PCF11: variants seen among roughly 807,000 people sequenced by gnomAD.
The protein encoded by PCF11 is pre-mRNA cleavage complex 2 protein Pcf11.
A neutral mutation model predicts 166.1 loss-of-function variants in PCF11; 19 were observed. The ratio of observed to expected loss-of-function variants is 0.11; its 90% CI spans 0.08 to 0.17. The LOEUF (loss-of-function observed/expected upper bound fraction) is 0.17. PCF11 is among the 10% of genes least tolerant of loss of function. PCF11 has a pLI of 1.00. For missense variants in PCF11, 1,565 were observed against 1,855.5 expected, an observed-to-expected ratio of 0.84 and a Z score of 2.88; for synonymous variants, 663 against 644.1, an observed-to-expected ratio of 1.03 and a Z score of -0.44.
chr11:83,159,868 A>G (rs1470658523), intron 1 of PCF11, among the ~76,000 whole-genome samples: 1 of 152,238 alleles, frequency 6.6e-6, no homozygotes, highest in Non-Finnish European at 1.5e-5. Context: ...AATAATACAT[A>G]AAAGGACTTC....
At chr11:83,170,817 C>A (rs1404420492) in intron 8 of PCF11, among the ~76,000 whole-genome samples, 1 of 152,048 alleles carries the variant, frequency 6.6e-6, no homozygotes, top group South Asian at 2.1e-4. Flanking sequence ...GAAGAAAATA[C>A]AAAATAAGAA....
rs1161804444 is a variant in PCF11, at chr11:83,164,519, CTT to C, written c.702+121_702+122del. 2.5e-5 allele frequency: 18 copies of C among 717,676 alleles called. No individual in the cohort carries two copies. In the East Asian group the frequency reaches 5.0e-4, roughly 20 times the overall value. 44.5% of individuals were successfully genotyped at this position (717,676 alleles called of 1,614,324 possible). On this transcript the variant is annotated intron_variant, in intron 4 of 15. Transcript: ENST00000298281. ...TTATTAATAGTGTACTCTTTTTTCACTTTTATTTTACAAATGAGTATATTTAT... is the reference window on the plus strand; with the variant it reads ...TTATTAATAGTGTACTCTTTTTTCACTTATTTTACAAATGAGTATATTTAT...
At chr11:83,172,934 T>C (rs547358750) in intron 9 of PCF11, among the ~76,000 whole-genome samples, 1 of 152,344 alleles carries the variant, frequency 6.6e-6, no homozygotes, top group Admixed American at 6.5e-5. Flanking sequence ...TTAAATTGTG[T>C]CAAGAAATTC....
chr11:83,170,216 TATCTC>T (rs1052781906), intron 8 of PCF11, among the ~76,000 whole-genome samples: 7 of 152,170 alleles, frequency 4.6e-5, no homozygotes, highest in East Asian at 1.9e-4. Flanking sequence ...TCTAGGGAAA[TATCTC>T]AATCAAACCC....
At chr11:83,164,137 G>A in intron 3 of PCF11, 70 bp from the exon 4 acceptor site, 1 of 1,071,298 alleles carries the variant, frequency 9.3e-7, no homozygotes, top group Non-Finnish European at 1.3e-6. Flanking sequence ...GAGTTAAGCT[G>A]ATAATTTTTA....
At chr11:83,162,861 G>A (rs1186929496) in intron 2 of PCF11, among the ~76,000 whole-genome samples, 1 of 152,014 alleles carries the variant, frequency 6.6e-6, no homozygotes, top group Non-Finnish European at 1.5e-5. Flanking sequence ...TGCAACCTCC[G>A]CCTCCCGGAT....
exon 5 of PCF11, chr11:83,166,246 T>G: frequency 6.2e-7 from 1 of 1,613,306 alleles, no homozygotes; most frequent in Non-Finnish European, 8.5e-7. Context: ...AATAAAATCA[T>G]AAATGGCATT....
intron 15 of PCF11, among the ~76,000 whole-genome samples, chr11:83,183,405 G>C (rs1237778118): frequency 3.9e-5 from 6 of 152,030 alleles, no homozygotes; most frequent in Admixed American, 3.9e-4. Flanking sequence ...GATCCTGATG[G>C]GGATACGTTT....
intron 1 of PCF11, chr11:83,158,935 T>A (rs1047616711): frequency 6.6e-6 from 1 of 152,170 alleles, no homozygotes; most frequent in African/African-American, 2.4e-5. Flanking sequence ...CAAGACTTAT[T>A]TTTATCTACG....
exon 4 of PCF11, chr11:83,164,350 A>C: frequency 6.2e-7 from 1 of 1,613,630 alleles, no homozygotes; most frequent in Non-Finnish European, 8.5e-7. Flanking sequence ...AGTTGTTAGA[A>C]CTTCAGCAGA....
At chr11:83,161,665 G>GAAT (rs1860258885) in intron 2 of PCF11, among the ~76,000 whole-genome samples, 2 of 152,116 alleles carry the variant, frequency 1.3e-5, no homozygotes, top group African/African-American at 4.8e-5. Context: ...ATCCATTTAA[G>GAAT]AATAGATGGA....
At chr11:83,178,800 G>A (rs1186134412) in intron 11 of PCF11, among the ~76,000 whole-genome samples, 54 of 148,816 alleles carry the variant, frequency 3.6e-4, no homozygotes, top group Non-Finnish European at 7.0e-4. Flanking sequence ...GCGAAAGAGC[G>A]AGACTGTGTC....
chr11:83,159,028 C>T (rs1234283914), intron 1 of PCF11: 1 of 152,156 alleles, frequency 6.6e-6, no homozygotes, highest in East Asian at 1.9e-4. Flanking sequence ...GGGTAAACCT[C>T]TTCACAAGAT....
At chr11:83,172,694 G>T (rs1860729697) in intron 9 of PCF11, among the ~76,000 whole-genome samples, 1 of 152,200 alleles carries the variant, frequency 6.6e-6, no homozygotes, top group African/African-American at 2.4e-5. Flanking sequence ...GAGATGGCAG[G>T]TGTGAGCCAC....
In PCF11 at chr11:83,167,348, A is replaced by C. The variant is rs1205942103; in HGVS notation, c.2001+40A>C. ...TAATCCCATGTAGTCATCATTATCT[A>C]TCGTCTATTTTTTTGGTATTTTTTT... On this transcript the variant is annotated intron_variant, in intron 6 of 15. Transcript: ENST00000298281. The surrounding 1 kb of genome is among the most constrained non-coding windows in gnomAD (Gnocchi z 4.2). The C allele has an allele frequency of 1.9e-6, 3 of 1,548,916 alleles. No homozygotes were observed. Among genetic ancestry groups the C allele is most frequent in the Non-Finnish European group, 2.6e-6 (3 of 1,149,390 alleles).
At chr11:83,177,181 C>T in exon 10 of PCF11, 1 of 1,565,956 alleles carries the variant, frequency 6.4e-7, no homozygotes, top group Non-Finnish European at 8.7e-7. Flanking sequence ...CTCAAATTGT[C>T]CCAAACTGAT....
At chr11:83,165,538 G>T in intron 4 of PCF11, 62 bp from the exon 5 acceptor site, 1 of 1,309,128 alleles carries the variant, frequency 7.6e-7, no homozygotes. Context: ...TCAGTTGTTT[G>T]CAATTTCTTG....
At chr11:83,176,493 G>A (rs12049879) in intron 9 of PCF11, among the ~76,000 whole-genome samples, 15,274 of 152,144 alleles carry the variant, frequency 0.1, 908 homozygotes, top group Middle Eastern at 0.21. Context: ...ACACCATGGA[G>A]TACTTTGCAG....
intron 10 of PCF11, 94 bp downstream of exon 10, chr11:83,177,298 C>T: frequency 2.1e-6 from 2 of 957,504 alleles, no homozygotes; most frequent in Middle Eastern, 3.4e-4. Flanking sequence ...GATAAAGGTC[C>T]TTACAATAAT....
Sources: gnomAD v4.1 joint callset for allele counts (sites outside exome capture counted in the v4.1 genomes callset) on GRCh38, gnomAD v4.1.1 for gene constraint, Gnocchi (gnomAD v3.1) non-coding constraint, MANE v1.5 for transcripts, NCBI Gene and HGNC (gene_info 2026-07-23, HGNC 2026-07-21) for gene names.